Variants in TCF7L1 observed in about 807,000 individuals in gnomAD.
The protein encoded by TCF7L1 is transcription factor 7 like 1.
Under a neutral mutation model 63.7 loss-of-function variants are expected in TCF7L1, and 18 were observed. The ratio of observed to expected loss-of-function variants is 0.28; its 90% CI spans 0.20 to 0.42. The LOEUF (loss-of-function observed/expected upper bound fraction) is 0.42. TCF7L1 is among the 10% of genes least tolerant of loss of function. The probability of loss-of-function intolerance (pLI) is 1.00; values close to 1 mark genes in which losing one functional copy is unlikely to be tolerated. For missense variants in TCF7L1, 654 were observed against 779.3 expected, an observed-to-expected ratio of 0.84 and a Z score of 1.91; for synonymous variants, 355 against 340.9, an observed-to-expected ratio of 1.04 and a Z score of -0.46.
In TCF7L1 at chr2:85,134,523, T is replaced by A. The variant is rs1159467983; in HGVS notation, c.441+73T>A. On this transcript the variant is annotated intron_variant, in intron 3 of 11. Coordinates refer to ENST00000282111, the MANE Select transcript of TCF7L1 (RefSeq NM_031283.3). The surrounding 1 kb of genome is among the most constrained non-coding windows in gnomAD (Gnocchi z 5.0). ...CAGGATGCGCCCCCGGGCTTGGCCA[T>A]GGAGTGGGGGATGGGGCCTTCTGCG... 6 of 1,509,554 alleles carry A rather than the reference T, an allele frequency of 4.0e-6. No homozygotes were observed. The African/African-American group carries it at 5.6e-5, about 14-fold the overall frequency. The allele number at this position is 1,509,554 out of a possible 1,614,324, so 93.5% of individuals were successfully genotyped here. A position where few individuals can be genotyped will look rare whatever the true frequency, so the allele number is the denominator to read the frequency against.
rs762093605 is a variant in TCF7L1, at chr2:85,302,572, G to T, written c.614G>T (p.Gly205Val). ...TACAGCAATGACCACTTCTCCCCCGGCTCCCCTCCCACCCACCTCTCCCCA... is the reference window on the plus strand; with the variant it reads ...TACAGCAATGACCACTTCTCCCCCGTCTCCCCTCCCACCCACCTCTCCCCA... The part of the protein sequence containing the change: ...ITYSNDHFSP[G>V]SPPTHLSPEI... The change falls in exon 5 of 12, where the codon GGC becomes GTC. Residue 205 changes from glycine (G) to valine (V), a missense_variant. By Grantham distance (109) the Gly-to-Val change is moderately radical (BLOSUM62 -3). Transcript: ENST00000282111. 1.2e-6 allele frequency: 2 copies of T among 1,613,876 alleles called. No homozygotes were observed. The highest frequency in any genetic ancestry group is 2.2e-5 in the South Asian group (2 of 91,082).
intron 3 of TCF7L1, among the ~76,000 whole-genome samples, chr2:85,202,212 C>A (rs2104278890): frequency 6.6e-6 from 1 of 152,248 alleles, no homozygotes; most frequent in African/African-American, 2.4e-5. Flanking sequence ...ATCTGCCTGC[C>A]TTGGACCCCC....
chr2:85,269,082 G>C (rs971715846), intron 3 of TCF7L1, among the ~76,000 whole-genome samples: 2 of 147,200 alleles, frequency 1.4e-5, no homozygotes, highest in Non-Finnish European at 3.0e-5. Flanking sequence ...AGCAATTTGG[G>C]AAGACAATAG....
At chr2:85,195,281 G>A (rs1012325938) in intron 3 of TCF7L1, among the ~76,000 whole-genome samples, 3 of 152,238 alleles carry the variant, frequency 2.0e-5, no homozygotes, top group African/African-American at 7.2e-5. Context: ...GGCACAGTCA[G>A]TGCTCAAGAA....
intron 3 of TCF7L1, among the ~76,000 whole-genome samples, chr2:85,225,456 G>A (rs956501538): frequency 6.6e-6 from 1 of 152,162 alleles, no homozygotes; most frequent in Non-Finnish European, 1.5e-5. Flanking sequence ...ATTTCGTTGA[G>A]CAGTGGTTTG....
At chr2:85,147,275 G>A (rs1194366582) in intron 3 of TCF7L1, among the ~76,000 whole-genome samples, 1 of 152,156 alleles carries the variant, frequency 6.6e-6, no homozygotes, top group African/African-American at 2.4e-5. Context: ...TCTTGTCCAT[G>A]ATGAAGCTTT....
rs35610133 is a variant in TCF7L1 at position 85,283,265 on chromosome 2, T to TCCCCC, written c.442-224_442-220dup. 3.2e-3 allele frequency among the ~76,000 whole-genome samples: 354 copies of TCCCCC among 109,644 alleles called. 4 individuals carry two copies. The highest frequency in any genetic ancestry group is 9.0e-3 in the African/African-American group (291 of 32,284). 71.9% of individuals were successfully genotyped at this position (109,644 alleles called of 152,430 possible). A position where few individuals can be genotyped will look rare whatever the true frequency, so the allele number is the denominator to read the frequency against. Reference sequence around the variant, plus strand: ...AAGTTCAGCTTAGTTGTCATTCGTGTCCCCCCCCCCAAAATGACATAGGGC... The same window carrying TCCCCC: ...AAGTTCAGCTTAGTTGTCATTCGTGTCCCCCCCCCCCCCCCAAAATGACATAGGGC... On this transcript the variant is annotated intron_variant, in intron 3 of 11. Transcript: ENST00000282111.
rs752909383 is a variant in TCF7L1, at chr2:85,309,033, C to T, written c.1338C>T (p.Ala446=). ...TTTCTTGTATTTTCCCCCTAGGTGCCCTGGCCTCCAAGAGCAAGAAGCCAT... is the reference window on the plus strand; with the variant it reads ...TTTCTTGTATTTTCCCCCTAGGTGCTCTGGCCTCCAAGAGCAAGAAGCCAT... The part of the protein sequence containing the change: ...SQQQVQEAEG[A]LASKSKKPCV... Residue 446 remains alanine (A), a synonymous_variant, in exon 12 of 12, where the codon GCC becomes GCT. Coordinates refer to ENST00000282111, the MANE Select transcript of TCF7L1 (RefSeq NM_031283.3). 1.9e-6 allele frequency: 3 copies of T among 1,590,872 alleles called. 1 individual carries two copies. The South Asian group carries it at 3.3e-5, about 18-fold the overall frequency.
chr2:85,262,860 G>C (rs888439431), intron 3 of TCF7L1, among the ~76,000 whole-genome samples: 1 of 152,174 alleles, frequency 6.6e-6, no homozygotes, highest in Non-Finnish European at 1.5e-5. Flanking sequence ...GGGAACTAGA[G>C]GCTAACACAG....
chr2:85,218,659 A>G (rs1469599701), intron 3 of TCF7L1, among the ~76,000 whole-genome samples: 1 of 151,698 alleles, frequency 6.6e-6, no homozygotes, highest in Non-Finnish European at 1.5e-5. Context: ...AAAACTGGTG[A>G]TAGTGTTCTT....
At chr2:85,160,132 AT>A in intron 3 of TCF7L1, among the ~76,000 whole-genome samples, 1 of 152,198 alleles carries the variant, frequency 6.6e-6, no homozygotes, top group Non-Finnish European at 1.5e-5. Flanking sequence ...ACATGTACAG[AT>A]TCATGTAACC....
Position 85,133,876 on chromosome 2 carries a change from G to A in TCF7L1, c.192G>A (p.Glu64=). 6.6e-6 allele frequency: 10 copies of A among 1,522,662 alleles called. No individual in the cohort carries two copies. The highest frequency in any genetic ancestry group is 3.8e-5 in the South Asian group (3 of 79,842). The allele number at this position is 1,522,662 out of a possible 1,614,324, so 94.3% of individuals were successfully genotyped here. A position where few individuals can be genotyped will look rare whatever the true frequency, so the allele number is the denominator to read the frequency against. Residue 64 remains glutamate (E), a synonymous_variant, in exon 1 of 12, where the codon GAG becomes GAA. Coordinates refer to ENST00000282111, the MANE Select transcript of TCF7L1 (RefSeq NM_031283.3). The surrounding 1 kb of genome is among the most constrained non-coding windows in gnomAD (Gnocchi z 4.4). ...DSASAQRDLD[E]VKSSLVNESE... ...CCTCGGCGCAGCGGGACCTAGACGA[G>A]GTCAAGTCGTCCCTGGTCAACGAGT...
intron 3 of TCF7L1, among the ~76,000 whole-genome samples, chr2:85,251,760 C>G (rs1680592611): frequency 6.6e-6 from 1 of 152,324 alleles, no homozygotes; most frequent in Non-Finnish European, 1.5e-5. Flanking sequence ...GTTTCCCATT[C>G]AAATTCCGAT....
chr2:85,285,676 G>A (rs937154660), intron 4 of TCF7L1, among the ~76,000 whole-genome samples: 1 of 152,188 alleles, frequency 6.6e-6, no homozygotes, highest in African/African-American at 2.4e-5. Context: ...CCCTGGTGGA[G>A]GATGTGCGGA....
rs138067915 is a variant in TCF7L1, at chr2:85,142,432, ATG to A, written c.441+8014_441+8015del. On this transcript the variant is annotated intron_variant, in intron 3 of 11. Coordinates refer to ENST00000282111, the MANE Select transcript of TCF7L1 (RefSeq NM_031283.3). Reference sequence around the variant, plus strand: ...GACCCTGTTTCCAAAAAAAAAAAAAATGTGTGTGTGTGTGTGTGTGTGTGTGT... The same window carrying A: ...GACCCTGTTTCCAAAAAAAAAAAAAATGTGTGTGTGTGTGTGTGTGTGTGT... Among the ~76,000 whole-genome samples the A allele has an allele frequency of 4.4e-3, 610 of 138,050 alleles. 4 individuals carry two copies. The highest frequency in any genetic ancestry group is 0.019 in the Middle Eastern group (5 of 270). 90.6% of individuals were successfully genotyped at this position (138,050 alleles called of 152,430 possible).
chr2:85,279,247 G>C (rs1681356877), intron 3 of TCF7L1, among the ~76,000 whole-genome samples: 1 of 152,164 alleles, frequency 6.6e-6, no homozygotes, highest in Non-Finnish European at 1.5e-5. Context: ...TGATCGTGGG[G>C]TTGGCCTTAC....
chr2:85,139,020 C>G (rs1247409517), intron 3 of TCF7L1, among the ~76,000 whole-genome samples: 1 of 147,828 alleles, frequency 6.8e-6, no homozygotes, highest in South Asian at 2.2e-4. Context: ...TCTTTTCTTT[C>G]TTTTTTTAGA....
At chr2:85,182,712 A>G (rs1011557766) in intron 3 of TCF7L1, among the ~76,000 whole-genome samples, 1 of 152,224 alleles carries the variant, frequency 6.6e-6, no homozygotes, top group South Asian at 2.1e-4. Context: ...GCTTAGCACA[A>G]TACAAGTTGA....
chr2:85,279,927 C>T (rs1681371509), intron 3 of TCF7L1, among the ~76,000 whole-genome samples: 1 of 152,208 alleles, frequency 6.6e-6, no homozygotes. Flanking sequence ...GGTCTCCTCC[C>T]AGCAGAAGCC....
Sources: gnomAD v4.1 joint callset for allele counts (sites outside exome capture counted in the v4.1 genomes callset) on GRCh38, gnomAD v4.1.1 for gene constraint, Gnocchi (gnomAD v3.1) non-coding constraint, MANE v1.5 for transcripts, NCBI Gene and HGNC (gene_info 2026-07-23, HGNC 2026-07-21) for gene names.